Variants in NAT8L observed in about 807,000 individuals in gnomAD.
NAT8L encodes N-acetylaspartate synthetase.
A neutral mutation model predicts 21.2 loss-of-function variants in NAT8L; 6 were observed. That is an observed-to-expected ratio of 0.28 (90% CI 0.16 to 0.56). NAT8L has a LOEUF of 0.56. Ranked by LOEUF, NAT8L falls within the 20% of genes least tolerant of loss-of-function variation. The probability of loss-of-function intolerance (pLI) is 0.93; values close to 1 mark genes in which losing one functional copy is unlikely to be tolerated. For synonymous variants in NAT8L, 239 were observed against 204.9 expected, an observed-to-expected ratio of 1.17 and a Z score of -1.42; for missense variants, 331 against 433.3, an observed-to-expected ratio of 0.76 and a Z score of 2.10.
Position 2,061,035 on chromosome 4 carries a change from G to T in NAT8L, c.414G>T (p.Thr138=). The change falls in exon 2 of 3, where the codon ACG becomes ACT. Residue 138 remains threonine (T), a synonymous_variant. Transcript: ENST00000423729. The stretch of plus-strand genomic sequence containing the variant: ...CCGTGAGCCGCTCGCTGCTGCTGAC[G>T]TGCCTGGTGCCGGCCGCGCTGCTGG... ...CFAVSRSLLL[T]CLVPAALLGL... is the part of the protein sequence containing the mutation. 1.3e-6 allele frequency: 2 copies of T among 1,584,042 alleles called. No homozygotes were observed. The highest frequency in any genetic ancestry group is 1.7e-6 in the Non-Finnish European group (2 of 1,166,638).
At position 2,061,172 on chromosome 4, in the gene NAT8L, G is replaced by T; in HGVS notation, c.541+10G>T. ...TACATGAAGCCGCCCGGTGAGTCCC[G>T]CTCCCGCCGCTCCCCGACCTCCGCC... is the stretch of plus-strand genomic sequence containing the variant. On this transcript the variant is annotated intron_variant, in intron 2 of 2. Transcript: ENST00000423729. 2 of 1,599,740 alleles carry T rather than the reference G, an allele frequency of 1.3e-6. No homozygotes were observed. Among genetic ancestry groups the T allele is most frequent in the South Asian group, 1.1e-5 (1 of 90,262 alleles).
rs1361659338 is a variant in NAT8L, at chr4:2,060,095, G to C, written c.376+208G>C. Among the ~76,000 whole-genome samples the C allele has an allele frequency of 6.6e-6, 1 of 151,852 alleles. No homozygotes were observed. Among genetic ancestry groups the C allele is most frequent in the Non-Finnish European group, 1.5e-5 (1 of 67,894 alleles). On this transcript the variant is annotated intron_variant, in intron 1 of 2. Transcript: ENST00000423729. This position sits in a 1 kb window ranked among gnomAD's most constrained non-coding sequence, Gnocchi z 4.7. ...AGCGGGCCGGAGCCGGGGAGGGTCC[G>C]GGGTCCGCACCTGCGTCCCCGCCGC...
intron 2 of NAT8L, among the ~76,000 whole-genome samples, chr4:2,061,843 T>C (rs1729898581): frequency 6.6e-6 from 1 of 152,076 alleles, no homozygotes; most frequent in Non-Finnish European, 1.5e-5. Flanking sequence ...CTGGAGCGTC[T>C]GTAGGCCAAC....
chr4:2,059,638 C>T lies in NAT8L; in HGVS notation c.127C>T (p.Pro43Ser), dbSNP rs1257282508. The T allele has an allele frequency of 2.1e-6, 2 of 971,914 alleles. No individual in the cohort carries two copies. The highest frequency in any genetic ancestry group is 2.4e-6 in the Non-Finnish European group (2 of 820,478). The allele number at this position is 971,914 out of a possible 1,614,324, so 60.2% of individuals were successfully genotyped here. A position where few individuals can be genotyped will look rare whatever the true frequency, so the allele number is the denominator to read the frequency against. ...AAAGAMWPPL[P>S]AAPGPAAAPP... ...CGCCGGCGCCATGTGGCCCCCGCTGCCCGCCGCGCCCGGGCCGGCCGCCGC... is the reference window on the plus strand; with the variant it reads ...CGCCGGCGCCATGTGGCCCCCGCTGTCCGCCGCGCCCGGGCCGGCCGCCGC... The change falls in exon 1 of 3, where the codon CCC (proline) becomes TCC (serine). Residue 43 changes from proline (P) to serine (S), a missense_variant. Physicochemically the swap from Pro to Ser is moderately conservative, Grantham distance 74. This residue lies in a region of NAT8L where 199 missense variants were observed against 196.1 expected (regional missense o/e 1.01). Transcript: ENST00000423729. The surrounding 1 kb of genome is among the most constrained non-coding windows in gnomAD (Gnocchi z 4.8).
Position 2,059,938 on chromosome 4 carries a change from C to CT in NAT8L, c.376+52dup. ...CGCAGTCCCTCGGGCCGGCGCGGAG[C>CT]TCCCCCGCCCCGGCGTCCACGCGGA... On this transcript the variant is annotated intron_variant, in intron 1 of 2. Transcript: ENST00000423729. This position sits in a 1 kb window ranked among gnomAD's most constrained non-coding sequence, Gnocchi z 4.8. The CT allele has an allele frequency of 9.5e-7, 1 of 1,054,414 alleles. No homozygotes were observed. The highest frequency in any genetic ancestry group is 4.4e-5 in the South Asian group (1 of 22,682). The allele number at this position is 1,054,414 out of a possible 1,614,324, so 65.3% of individuals were successfully genotyped here.
chr4:2,066,019 T>A lies in NAT8L; in HGVS notation c.*1892T>A, dbSNP rs939100213. The A allele has an allele frequency of 5.2e-5, 8 of 152,632 alleles. No homozygotes were observed. The highest frequency in any genetic ancestry group is 1.0e-4 in the Non-Finnish European group (7 of 68,272). 9.5% of individuals were successfully genotyped at this position (152,632 alleles called of 1,614,324 possible). On this transcript the variant is annotated 3_prime_UTR_variant, in exon 3 of 3. Coordinates refer to ENST00000423729, the MANE Select transcript of NAT8L (RefSeq NM_178557.4). ...GGCAGGAGGGGCAGGGCGGGCCAGG[T>A]GGAGTCAGGTCTTGGGGGTGTCATG...
rs1730039607 is a variant in NAT8L at position 2,068,033 on chromosome 4, A to T, written c.*3906A>T. On this transcript the variant is annotated 3_prime_UTR_variant, in exon 3 of 3. Coordinates refer to ENST00000423729, the MANE Select transcript of NAT8L (RefSeq NM_178557.4). ...TGGGGTGAAGGATGGCGAGCCGGAC[A>T]TACCATTGTTGGATGTATTTTTTTT... is the stretch of plus-strand genomic sequence containing the variant. 1 of 152,470 alleles carries T rather than the reference A, an allele frequency of 6.6e-6. No homozygotes were observed. The highest frequency in any genetic ancestry group is 1.5e-5 in the Non-Finnish European group (1 of 68,132). 9.4% of individuals were successfully genotyped at this position (152,470 alleles called of 1,614,324 possible). A position where few individuals can be genotyped will look rare whatever the true frequency, so the allele number is the denominator to read the frequency against.
In NAT8L at chr4:2,059,830, G is replaced by C; in HGVS notation, c.319G>C (p.Ala107Pro). The C allele has an allele frequency of 7.2e-7, 1 of 1,389,268 alleles. No homozygotes were observed. Among genetic ancestry groups the C allele is most frequent in the Non-Finnish European group, 9.4e-7 (1 of 1,061,716 alleles). 86.1% of individuals were successfully genotyped at this position (1,389,268 alleles called of 1,614,324 possible). Residue 107 changes from alanine (A) to proline (P), a missense_variant, in exon 1 of 3, where the codon GCC becomes CCC. Around this residue, in one of 2 missense-constraint regions of NAT8L, gnomAD observed 199 missense variants for 196.1 expected, o/e 1.01. Coordinates refer to ENST00000423729, the MANE Select transcript of NAT8L (RefSeq NM_178557.4). The surrounding 1 kb of genome is among the most constrained non-coding windows in gnomAD (Gnocchi z 4.8). ...CATCATGGAGCGCATCCCTAACACG[G>C]CCTTCCGCGGCCTGCGGCAGCACCC... is the stretch of plus-strand genomic sequence containing the variant. ...DGIMERIPNT[A>P]FRGLRQHPRA...
At chr4:2,062,771 T>TTCCCGGGGC (rs1398900938) in intron 2 of NAT8L, among the ~76,000 whole-genome samples, 3 of 151,990 alleles carry the variant, frequency 2.0e-5, no homozygotes, top group Non-Finnish European at 4.4e-5. Flanking sequence ...ATGGGAGGGC[T>TTCCCGGGGC]TCCCGGGGCT....
chr4:2,063,383 G>T (rs1729929487), intron 2 of NAT8L, among the ~76,000 whole-genome samples: 1 of 152,266 alleles, frequency 6.6e-6, no homozygotes, highest in African/African-American at 2.4e-5. Flanking sequence ...CGGCCTGACT[G>T]GGCAAAGCCT....
chr4:2,064,333 C>T lies in NAT8L; in HGVS notation c.*206C>T. On this transcript the variant is annotated 3_prime_UTR_variant, in exon 3 of 3. Transcript: ENST00000423729. ...ACTTTGGTGGGGGTGGGTTGTTTGTCGCCATAGCCCCTCGCCCTTCCCCAC... is the reference window on the plus strand; with the variant it reads ...ACTTTGGTGGGGGTGGGTTGTTTGTTGCCATAGCCCCTCGCCCTTCCCCAC... 2.0e-5 allele frequency: 5 copies of T among 246,592 alleles called. No individual in the cohort carries two copies. The highest frequency in any genetic ancestry group is 9.7e-5 in the East Asian group (1 of 10,356). 15.3% of individuals were successfully genotyped at this position (246,592 alleles called of 1,614,324 possible). A position where few individuals can be genotyped will look rare whatever the true frequency, so the allele number is the denominator to read the frequency against.
At position 2,063,887 on chromosome 4, in the gene NAT8L, C is replaced by A. The variant is rs1729939109; in HGVS notation, c.669C>A (p.Gly223=). The A allele has an allele frequency of 6.2e-7, 1 of 1,612,276 alleles. No homozygotes were observed. Among genetic ancestry groups the A allele is most frequent in the African/African-American group, 1.3e-5 (1 of 74,954 alleles). ...MSVDSRFRGK[G]IAKALGRKVL... is the part of the protein sequence containing the mutation. ...TGGACTCACGTTTCCGAGGCAAGGGCATCGCCAAGGCGCTGGGCCGGAAGG... is the reference window on the plus strand; with the variant it reads ...TGGACTCACGTTTCCGAGGCAAGGGAATCGCCAAGGCGCTGGGCCGGAAGG... The change falls in exon 3 of 3, where the codon GGC becomes GGA. Residue 223 remains glycine (G), a synonymous_variant. Coordinates refer to ENST00000423729, the MANE Select transcript of NAT8L (RefSeq NM_178557.4).
In NAT8L at chr4:2,061,488, C is replaced by T. The variant is rs757144723; in HGVS notation, c.541+326C>T. 3.3e-5 allele frequency among the ~76,000 whole-genome samples: 5 copies of T among 151,578 alleles called. No individual in the cohort carries two copies. In the South Asian group the frequency reaches 1.0e-3, roughly 32 times the overall value. ...TGTGGGTCCCATCTGGTGTGCCTTG[C>T]GGGGATGGGGTTGCCTGCAGTGCCA... On this transcript the variant is annotated intron_variant, in intron 2 of 2. Coordinates refer to ENST00000423729, the MANE Select transcript of NAT8L (RefSeq NM_178557.4).
rs1251618533 is a variant in NAT8L at position 2,065,866 on chromosome 4, A to T, written c.*1739A>T. The T allele has an allele frequency of 6.6e-6, 1 of 152,612 alleles. No homozygotes were observed. Among genetic ancestry groups the T allele is most frequent in the Non-Finnish European group, 1.5e-5 (1 of 68,062 alleles). The allele number at this position is 152,612 out of a possible 1,614,324, so 9.5% of individuals were successfully genotyped here. A position where few individuals can be genotyped will look rare whatever the true frequency, so the allele number is the denominator to read the frequency against. The stretch of plus-strand genomic sequence containing the variant: ...TTTTCTTGCAGCTCAGATTTTGTTA[A>T]TCTGGAATATACAGACAGACGTAAA... On this transcript the variant is annotated 3_prime_UTR_variant, in exon 3 of 3. Transcript: ENST00000423729.
Position 2,064,196 on chromosome 4 carries a change from C to A in NAT8L, c.*69C>A. 1 of 1,100,658 alleles carries A rather than the reference C, an allele frequency of 9.1e-7. No homozygotes were observed. Among genetic ancestry groups the A allele is most frequent in the Non-Finnish European group, 1.1e-6 (1 of 885,752 alleles). The allele number at this position is 1,100,658 out of a possible 1,614,324, so 68.2% of individuals were successfully genotyped here. On this transcript the variant is annotated 3_prime_UTR_variant, in exon 3 of 3. Coordinates refer to ENST00000423729, the MANE Select transcript of NAT8L (RefSeq NM_178557.4). Reference sequence around the variant, plus strand: ...CTTTGCCCGCCTGCCCGCCGCCCGGCGCGGCCTGCTTTCAGACGCTCAATT... The same window carrying A: ...CTTTGCCCGCCTGCCCGCCGCCCGGAGCGGCCTGCTTTCAGACGCTCAATT...
Position 2,061,119 on chromosome 4 carries a change from C to T in NAT8L, c.498C>T (p.His166=), listed in dbSNP as rs1729849499. The change falls in exon 2 of 3, where the codon CAC becomes CAT. Residue 166 remains histidine, a synonymous_variant. Transcript: ENST00000423729. ...VIRAYLECAL[H]TDMADIEQYY... ...GCGCCTACCTGGAGTGCGCGCTGCA[C>T]ACGGACATGGCGGACATCGAGCAGT... 3 of 1,611,468 alleles carry T rather than the reference C, an allele frequency of 1.9e-6. No homozygotes were observed. The highest frequency in any genetic ancestry group is 2.5e-6 in the Non-Finnish European group (3 of 1,179,266).
chr4:2,068,345 G>C lies in NAT8L; in HGVS notation c.*4218G>C, dbSNP rs1383947577. 6.6e-6 allele frequency: 1 copy of C among 152,248 alleles called. No individual in the cohort carries two copies. Among genetic ancestry groups the C allele is most frequent in the Non-Finnish European group, 1.5e-5 (1 of 68,034 alleles). The allele number at this position is 152,248 out of a possible 1,614,324, so 9.4% of individuals were successfully genotyped here. On this transcript the variant is annotated 3_prime_UTR_variant, in exon 3 of 3. Transcript: ENST00000423729. The stretch of plus-strand genomic sequence containing the variant: ...TGTGCGCATGTGTGCGTGTACATGT[G>C]TTTGTGTCTTGGGTATGCATAAGCA...
At chr4:2,062,511 G>A (rs1729912664) in intron 2 of NAT8L, among the ~76,000 whole-genome samples, 1 of 151,952 alleles carries the variant, frequency 6.6e-6, no homozygotes, top group Non-Finnish European at 1.5e-5. Context: ...GGGGCTCCAG[G>A]ACAGGGGGCC....
intron 2 of NAT8L, among the ~76,000 whole-genome samples, chr4:2,062,526 A>AG: frequency 6.6e-6 from 1 of 151,604 alleles, no homozygotes; most frequent in Non-Finnish European, 1.5e-5. Flanking sequence ...GGGGCCGAGG[A>AG]GGGGCAGCCC....
Sources: gnomAD v4.1 joint callset for allele counts (sites outside exome capture counted in the v4.1 genomes callset) on GRCh38, gnomAD v4.1.1 for gene constraint, gnomAD v4.1.1 regional missense constraint, Gnocchi (gnomAD v3.1) non-coding constraint, MANE v1.5 for transcripts, NCBI Gene and HGNC (gene_info 2026-07-23, HGNC 2026-07-21) for gene names.